Variants in ACACB observed in about 807,000 individuals in gnomAD.
ACACB encodes the protein acetyl-CoA carboxylase beta.
ACACB carries 209 observed loss-of-function variants against 278.8 expected under a neutral mutation model. That is an observed-to-expected ratio of 0.75 (90% CI 0.67 to 0.84). The LOEUF is 0.84. Among genes scored for constraint, ACACB ranks in the 40% least tolerant of loss-of-function variants. ACACB has a pLI of 0.00. For missense variants in ACACB, 2,850 were observed against 3,269.0 expected (o/e 0.87, Z 3.13); for synonymous variants, 1,174 against 1,285.6 (o/e 0.91, Z 1.86).
chr12:109,200,823 T>C (rs145403183), intron 18 of ACACB, among the ~76,000 whole-genome samples: 52 of 152,326 alleles, frequency 3.4e-4, no homozygotes, highest in African/African-American at 1.0e-3. Context: ...ACCTGCTGCA[T>C]GGCAGGATCT....
At position 109,245,641 on chromosome 12, in the gene ACACB, TG is replaced by T; in HGVS notation, c.5198del (p.Gly1733AlafsTer11). ...CTCTCCCCAGGCTCTCTTTAAACTG[TG>T]GGGCTCCCCAGACAAGTATCCCAAA... ...EMFRQALFKL[W>X]GSPDKYPKDI... On this transcript the variant is annotated frameshift_variant, in exon 38 of 53. Coordinates refer to ENST00000338432, the MANE Select transcript of ACACB (RefSeq NM_001093.4). LOFTEE classifies it high-confidence loss of function. The T allele has an allele frequency of 3.1e-6, 5 of 1,614,122 alleles. No homozygotes were observed. Among genetic ancestry groups the T allele is most frequent in the Non-Finnish European group, 4.2e-6 (5 of 1,179,996 alleles).
chr12:109,157,282 T>TTATTATTA (rs2043574180), intron 2 of ACACB, among the ~76,000 whole-genome samples: 1 of 149,648 alleles, frequency 6.7e-6, no homozygotes, highest in Admixed American at 6.7e-5. Flanking sequence ...GTTATTATTA[T>TTATTATTA]TATTATTATT....
chr12:109,200,629 A>G (rs2045303891), intron 18 of ACACB, among the ~76,000 whole-genome samples: 1 of 152,080 alleles, frequency 6.6e-6, no homozygotes, highest in Admixed American at 6.6e-5. Context: ...ACTGATCTTT[A>G]TTTTTTAACC....
At chr12:109,216,447 C>G (rs924664192) in intron 22 of ACACB, among the ~76,000 whole-genome samples, 171 bp from the exon 23 acceptor site, 3 of 151,270 alleles carry the variant, frequency 2.0e-5, no homozygotes, top group Admixed American at 2.0e-4. Flanking sequence ...GTCTCGATCT[C>G]TTGACCTCGT....
rs551165358 is a variant in ACACB at position 109,249,683 on chromosome 12, G to A, written c.5670-301G>A. The A allele has an allele frequency of 2.6e-5, 5 of 194,298 alleles. No homozygotes were observed. In the East Asian group the frequency reaches 4.1e-4, roughly 16 times the overall value. The allele number at this position is 194,298 out of a possible 1,614,324, so 12.0% of individuals were successfully genotyped here. On this transcript the variant is annotated intron_variant, in intron 40 of 52. Coordinates refer to ENST00000338432, the MANE Select transcript of ACACB (RefSeq NM_001093.4). ...ACTTTTGTATTTTTAGTAGAGATGG[G>A]GTTTCGCCATATTGGCCAGGCTGGT...
chr12:109,157,277 T>TATTATTATG (rs1400473838), intron 2 of ACACB, among the ~76,000 whole-genome samples: 1 of 149,268 alleles, frequency 6.7e-6, no homozygotes, highest in Non-Finnish European at 1.5e-5. Context: ...GAGTTGTTAT[T>TATTATTATG]ATTATTATTA....
intron 1 of ACACB, among the ~76,000 whole-genome samples, chr12:109,137,143 A>G (rs1323090813): frequency 2.0e-5 from 3 of 152,042 alleles, no homozygotes; most frequent in Non-Finnish European, 4.4e-5. Context: ...TGTTACATTG[A>G]CATTGAGCCA....
intron 2 of ACACB, among the ~76,000 whole-genome samples, chr12:109,147,873 G>C (rs2043281694): frequency 6.6e-6 from 1 of 152,204 alleles, no homozygotes; most frequent in Non-Finnish European, 1.5e-5. Context: ...CAGGTGAATA[G>C]GCATTTTATA....
At position 109,171,762 on chromosome 12, in the gene ACACB, G is replaced by A. The variant is rs186029458; in HGVS notation, c.926-43G>A. 82 of 1,459,284 alleles carry A rather than the reference G, an allele frequency of 5.6e-5. No homozygotes were observed. The Admixed American group carries it at 1.1e-3, about 19-fold the overall frequency. The allele number at this position is 1,459,284 out of a possible 1,614,324, so 90.4% of individuals were successfully genotyped here. A position where few individuals can be genotyped will look rare whatever the true frequency, so the allele number is the denominator to read the frequency against. On this transcript the variant is annotated intron_variant, in intron 4 of 52. Coordinates refer to ENST00000338432, the MANE Select transcript of ACACB (RefSeq NM_001093.4). Reference sequence around the variant, plus strand: ...TTGTAATGTTCTGCCATTGATGTCAGTCTGTCAGCAGTTCCTTCCTTCTCC... The same window carrying A: ...TTGTAATGTTCTGCCATTGATGTCAATCTGTCAGCAGTTCCTTCCTTCTCC...
At chr12:109,227,732 A>G (rs1328131269) in intron 28 of ACACB, among the ~76,000 whole-genome samples, 1 of 152,232 alleles carries the variant, frequency 6.6e-6, no homozygotes, top group African/African-American at 2.4e-5. Context: ...GCCTATTTAC[A>G]TTAAAATGAA....
chr12:109,207,044 C>T (rs1306890918), intron 20 of ACACB, among the ~76,000 whole-genome samples, 188 bp downstream of exon 20: 2 of 152,156 alleles, frequency 1.3e-5, no homozygotes, highest in Non-Finnish European at 2.9e-5. Flanking sequence ...CAGCCTCGAC[C>T]TCCTGGGCTC....
At chr12:109,212,775 G>A in intron 21 of ACACB, 61 bp from the exon 22 acceptor site, 1 of 1,433,598 alleles carries the variant, frequency 7.0e-7, no homozygotes, top group Admixed American at 1.7e-5. Flanking sequence ...CCTTTCTTTA[G>A]GGGACTGCTG....
intron 21 of ACACB, among the ~76,000 whole-genome samples, chr12:109,210,495 A>G (rs550342843): frequency 1.3e-5 from 2 of 148,538 alleles, no homozygotes; most frequent in East Asian, 2.0e-4. Flanking sequence ...GTATATATAC[A>G]TGTATGTGTA....
At chr12:109,232,594 T>C (rs2046504459) in intron 28 of ACACB, 75 bp from the exon 29 acceptor site, 8 of 1,547,228 alleles carry the variant, frequency 5.2e-6, no homozygotes, top group South Asian at 1.2e-5. Context: ...TCACTGAAGC[T>C]TCAGGAGTAG....
At chr12:109,122,568 G>A (rs1472577327) in intron 1 of ACACB, among the ~76,000 whole-genome samples, 2 of 81,880 alleles carry the variant, frequency 2.4e-5, no homozygotes, top group Non-Finnish European at 2.0e-5. Context: ...GTCAGACATT[G>A]TCTCAAAAAA....
intron 20 of ACACB, 114 bp from the exon 21 acceptor site, chr12:109,209,051 G>A: frequency 4.9e-6 from 6 of 1,222,278 alleles, no homozygotes; most frequent in Non-Finnish European, 5.7e-6. Flanking sequence ...TGGATCTTCA[G>A]CCACTTGAGT....
rs75256479 is a variant in ACACB at position 109,196,419 on chromosome 12, A to G, written c.2482-589A>G. 2.0e-3 allele frequency among the ~76,000 whole-genome samples: 305 copies of G among 152,274 alleles called. 2 individuals are homozygous for G. The highest frequency in any genetic ancestry group is 3.9e-3 in the Non-Finnish European group (263 of 68,020). ...CTGGCAGATTTGGTATCTACTGAGG[A>G]CCCACCTTTCGTTTCATAGATGCTG... On this transcript the variant is annotated intron_variant, in intron 16 of 52. Coordinates refer to ENST00000338432, the MANE Select transcript of ACACB (RefSeq NM_001093.4).
intron 4 of ACACB, 72 bp from the exon 5 acceptor site, chr12:109,171,733 C>T: frequency 8.8e-7 from 1 of 1,138,396 alleles, no homozygotes; most frequent in East Asian, 2.4e-5. Flanking sequence ...TACATAGTCA[C>T]ATCTTGTAAT....
upstream of ACACB, among the ~76,000 whole-genome samples, chr12:109,115,308 G>A (rs1432821143): frequency 2.0e-5 from 3 of 152,266 alleles, no homozygotes; most frequent in African/African-American, 7.2e-5. Flanking sequence ...AAGCCTAATA[G>A]TCCTGCCACT....
Sources: allele counts gnomAD v4.1 joint callset (sites outside exome capture counted in the v4.1 genomes callset), GRCh38; gene constraint gnomAD v4.1.1; transcripts MANE v1.5; gene names NCBI Gene and HGNC (gene_info 2026-07-23, HGNC 2026-07-21).